Variants in CC2D2A observed in about 807,000 individuals in gnomAD.
The protein encoded by CC2D2A is coiled-coil and C2 domain containing 2A.
Under a neutral mutation model 212.9 loss-of-function variants are expected in CC2D2A, and 155 were observed. That is an observed-to-expected ratio of 0.73 (90% CI 0.64 to 0.83). CC2D2A has a LOEUF of 0.83. CC2D2A is among the 40% of genes least tolerant of loss of function. The probability of loss-of-function intolerance (pLI) is 0.00; values close to 1 mark genes in which losing one functional copy is unlikely to be tolerated. For missense variants in CC2D2A, 1,856 were observed against 1,956.2 expected, an observed-to-expected ratio of 0.95 and a Z score of 0.97; for synonymous variants, 667 against 686.5, an observed-to-expected ratio of 0.97 and a Z score of 0.44.
At chr4:15,570,712 C>T (rs542314267) in intron 28 of CC2D2A, among the ~76,000 whole-genome samples, 15 of 152,040 alleles carry the variant, frequency 9.9e-5, no homozygotes, top group Admixed American at 4.6e-4. Flanking sequence ...AAAAATTAGC[C>T]GGGCGTGGTG....
chr4:15,495,962 T>C (rs1252773267), intron 4 of CC2D2A, among the ~76,000 whole-genome samples: 1 of 152,182 alleles, frequency 6.6e-6, no homozygotes, highest in African/African-American at 2.4e-5. Context: ...CTCATTGTGA[T>C]TTTTATTTGC....
At position 15,574,287 on chromosome 4, in the gene CC2D2A, T is replaced by C. The variant is rs1391730883; in HGVS notation, c.3732T>C (p.Ile1244=). 8 of 1,551,414 alleles carry C rather than the reference T, an allele frequency of 5.2e-6. No individual in the cohort carries two copies. In the South Asian group the frequency reaches 9.5e-5, roughly 18 times the overall value. Residue 1244 remains isoleucine (I), a synonymous_variant, in exon 29 of 37, where the codon ATT becomes ATC. Coordinates refer to ENST00000424120, the MANE Select transcript of CC2D2A (RefSeq NM_001378615.1). The part of the protein sequence containing the change: ...EGSYITLFIT[I]EPQLVPGESI... ...CCTACATTACCCTCTTTATTACCAT[T>C]GAGCCCCAGCTGGTTCCTGGAGAGT...
chr4:15,529,089 G>A (rs1355686085), intron 13 of CC2D2A, among the ~76,000 whole-genome samples: 1 of 152,156 alleles, frequency 6.6e-6, no homozygotes, highest in African/African-American at 2.4e-5. Context: ...GGGGACATGT[G>A]CAAAGATATG....
At position 15,507,053 on chromosome 4, in the gene CC2D2A, G is replaced by A. The variant is rs1716302657; in HGVS notation, c.439-3086G>A. Among the ~76,000 whole-genome samples the A allele has an allele frequency of 2.0e-5, 3 of 151,286 alleles. No homozygotes were observed. The South Asian group carries it at 6.3e-4, about 32-fold the overall frequency. On this transcript the variant is annotated intron_variant, in intron 6 of 36. Transcript: ENST00000424120. ...AGATCATGCCACTGCACTCCAGTCT[G>A]GGTGACAGAACGAGACTCCATCTCA...
At chr4:15,532,508 G>C (rs935684206) in intron 13 of CC2D2A, among the ~76,000 whole-genome samples, 1 of 152,174 alleles carries the variant, frequency 6.6e-6, no homozygotes, top group Non-Finnish European at 1.5e-5. Context: ...AACTCCCTGA[G>C]GATGGACATA....
At chr4:15,579,327 T>C (rs1443250662) in intron 29 of CC2D2A, among the ~76,000 whole-genome samples, 2 of 149,780 alleles carry the variant, frequency 1.3e-5, no homozygotes, top group Non-Finnish European at 3.0e-5. Context: ...AGACCCTGTC[T>C]CAAAAAAAAA....
At chr4:15,567,645 T>C (rs1325510684) in intron 25 of CC2D2A, 32 bp from the exon 26 acceptor site, 21 of 1,495,262 alleles carry the variant, frequency 1.4e-5, no homozygotes, top group Non-Finnish European at 1.9e-5. Flanking sequence ...TGACTAACCA[T>C]TGGGAACTCA....
chr4:15,586,341 A>C lies in CC2D2A; in HGVS notation c.4065+95A>C, dbSNP rs1331832987. 4.1e-6 allele frequency: 3 copies of C among 724,022 alleles called. No individual in the cohort carries two copies. In the Admixed American group the frequency reaches 8.7e-5, roughly 21 times the overall value. The allele number at this position is 724,022 out of a possible 1,614,324, so 44.8% of individuals were successfully genotyped here. On this transcript the variant is annotated intron_variant, in intron 31 of 36. Transcript: ENST00000424120. The stretch of plus-strand genomic sequence containing the variant: ...ATAATTTTAAATTGCAACATTCATT[A>C]GCCATAAAAATCTAATTGGCTGTTT...
intron 28 of CC2D2A, among the ~76,000 whole-genome samples, chr4:15,573,313 CAG>C (rs1357737703): frequency 6.6e-6 from 1 of 152,162 alleles, no homozygotes; most frequent in African/African-American, 2.4e-5. Context: ...GTTTTTGAGA[CAG>C]AGTCTGGTTC....
intron 17 of CC2D2A, among the ~76,000 whole-genome samples, chr4:15,548,764 T>C (rs893957565): frequency 4.6e-5 from 7 of 152,148 alleles, no homozygotes; most frequent in African/African-American, 1.4e-4. Flanking sequence ...CTTAAGAGTG[T>C]TGGGTCAAGC....
intron 13 of CC2D2A, among the ~76,000 whole-genome samples, chr4:15,529,381 C>CAA (rs200728529): frequency 2.5e-5 from 3 of 122,404 alleles, no homozygotes; most frequent in African/African-American, 9.1e-5. Context: ...GACCTTGACT[C>CAA]AAAAAAAAAA....
chr4:15,474,228 C>A (rs1714021338), intron 1 of CC2D2A, among the ~76,000 whole-genome samples: 1 of 152,146 alleles, frequency 6.6e-6, no homozygotes. Context: ...GAACTTGTTC[C>A]AGGAGCCAAC....
At chr4:15,509,000 A>T (rs115380740) in intron 6 of CC2D2A, among the ~76,000 whole-genome samples, 55 of 152,256 alleles carry the variant, frequency 3.6e-4, no homozygotes, top group African/African-American at 1.3e-3. Context: ...AGAAGGAGAG[A>T]TGGGTAAGAA....
chr4:15,599,454 C>CACTACAT, intron 35 of CC2D2A, 75 bp from the exon 36 acceptor site: 1 of 904,752 alleles, frequency 1.1e-6, no homozygotes, highest in East Asian at 2.7e-5. Flanking sequence ...TCTGAATCCC[C>CACTACAT]ACTACATACT....
At chr4:15,539,668 A>C (rs1372436744) in intron 16 of CC2D2A, among the ~76,000 whole-genome samples, 1 of 152,220 alleles carries the variant, frequency 6.6e-6, no homozygotes, top group African/African-American at 2.4e-5. Flanking sequence ...TAAGTAAGCA[A>C]TTTTCAAGGC....
intron 9 of CC2D2A, 77 bp from the exon 10 acceptor site, chr4:15,515,791 G>T: frequency 7.5e-7 from 1 of 1,336,450 alleles, no homozygotes; most frequent in South Asian, 1.5e-5. Context: ...AATCTCTGGT[G>T]ATTAATTCAC....
intron 9 of CC2D2A, among the ~76,000 whole-genome samples, 157 bp downstream of exon 9, chr4:15,515,026 C>T (rs890820458): frequency 6.6e-6 from 1 of 152,118 alleles, no homozygotes; most frequent in Non-Finnish European, 1.5e-5. Context: ...AAAAACACAA[C>T]ATGGAAAAAT....
At position 15,599,660 on chromosome 4, in the gene CC2D2A, A is replaced by AAG. The variant is rs1560200972; in HGVS notation, c.4630_4631dup (p.Asp1544GlufsTer9). 6.2e-7 allele frequency: 1 copy of AAG among 1,613,746 alleles called. No individual in the cohort carries two copies. Among genetic ancestry groups the AAG allele is most frequent in the Non-Finnish European group, 8.5e-7 (1 of 1,179,676 alleles). ...GAAAAAAGTCAAGGAGAAGATGTAG[A>AAG]AGATGACCACAGAGCAGAACTGCTA... On this transcript the variant is annotated frameshift_variant, in exon 36 of 37. Transcript: ENST00000424120. LOFTEE classifies it high-confidence loss of function.
intron 32 of CC2D2A, 75 bp downstream of exon 32, chr4:15,588,004 G>C: frequency 3.9e-6 from 3 of 774,110 alleles, no homozygotes; most frequent in East Asian, 5.2e-5. Context: ...ATCACACACA[G>C]GACATATTTT....
Sources: allele counts gnomAD v4.1 joint callset (sites outside exome capture counted in the v4.1 genomes callset), GRCh38; gene constraint gnomAD v4.1.1; transcripts MANE v1.5; gene names NCBI Gene and HGNC (gene_info 2026-07-23, HGNC 2026-07-21).